Variants in KIRREL3 observed in about 807,000 individuals in gnomAD.
The protein encoded by KIRREL3 is kirre like nephrin family adhesion molecule 3, also known as kin of IRRE-like protein 3.
In KIRREL3, 36 loss-of-function variants were observed where a neutral mutation model predicts 89.7. The ratio of observed to expected loss-of-function variants is 0.40; its 90% CI spans 0.31 to 0.53. KIRREL3 has a LOEUF of 0.53. Ranked by LOEUF, KIRREL3 falls within the 20% of genes least tolerant of loss-of-function variation. The pLI, the probability that KIRREL3 is intolerant of heterozygous loss-of-function variation, is 0.49. For missense variants in KIRREL3, 864 were observed against 1,056.6 expected, an observed-to-expected ratio of 0.82 and a Z score of 2.53; for synonymous variants, 445 against 441.4, an observed-to-expected ratio of 1.01 and a Z score of -0.10.
In KIRREL3 at chr11:126,454,234, C is replaced by G. The variant is rs116569852; in HGVS notation, c.848+2115G>C. ...ACCCTGGGAATCAGGCCCAGCACTTCGTTTCCTGGGTGTTTGCTGTCCGGG... is the reference window on the plus strand; with the variant it reads ...ACCCTGGGAATCAGGCCCAGCACTTGGTTTCCTGGGTGTTTGCTGTCCGGG... On this transcript the variant is annotated intron_variant, in intron 7 of 16. Transcript: ENST00000525144. The surrounding 1 kb of genome is among the most constrained non-coding windows in gnomAD (Gnocchi z 5.8). Among the ~76,000 whole-genome samples, 1,015 of 151,648 alleles carry G rather than the reference C, an allele frequency of 6.7e-3. 16 individuals are homozygous for G. The highest frequency in any genetic ancestry group is 0.023 in the African/African-American group (954 of 41,382).
chr11:126,581,000 C>G (rs537404674), intron 1 of KIRREL3, among the ~76,000 whole-genome samples: 1 of 152,212 alleles, frequency 6.6e-6, no homozygotes, highest in East Asian at 1.9e-4. Context: ...ATGCCAGGTC[C>G]TAGCTCTGGA....
At chr11:126,517,217 A>G (rs1424073119) in intron 4 of KIRREL3, among the ~76,000 whole-genome samples, 1 of 151,442 alleles carries the variant, frequency 6.6e-6, no homozygotes, top group Non-Finnish European at 1.5e-5. Flanking sequence ...TGGTATTTTT[A>G]ACCCTCTATT....
At position 126,796,617 on chromosome 11, in the gene KIRREL3, A is replaced by G. The variant is rs1950820299; in HGVS notation, c.55+203838T>C. ...GAAATGTTGGCACAAGTGCCCTCTT[A>G]TGTTAAGCATTGCCCCCAACCCTGC... On this transcript the variant is annotated intron_variant, in intron 1 of 16. Transcript: ENST00000525144. This position sits in a 1 kb window ranked among gnomAD's most constrained non-coding sequence, Gnocchi z 5.1. Among the ~76,000 whole-genome samples, 1 of 152,142 alleles carries G rather than the reference A, an allele frequency of 6.6e-6. No homozygotes were observed. Among genetic ancestry groups the G allele is most frequent in the African/African-American group, 2.4e-5 (1 of 41,436 alleles).
intron 1 of KIRREL3, among the ~76,000 whole-genome samples, chr11:126,945,451 G>A (rs561782948): frequency 7.2e-5 from 11 of 152,226 alleles, no homozygotes; most frequent in East Asian, 1.9e-4. Context: ...CCGTGTCTCC[G>A]CAGGTCACTG....
rs150968099 is a variant in KIRREL3 at position 126,515,503 on chromosome 11, T to C, written c.433+5812A>G. On this transcript the variant is annotated intron_variant, in intron 4 of 16. Transcript: ENST00000525144. The surrounding 1 kb of genome is among the most constrained non-coding windows in gnomAD (Gnocchi z 4.2). Reference sequence around the variant, plus strand: ...GGACCACAGGGGGACAGTCAGGCCATGTGGGCTCCAGAGAAGGCTTCCTGG... The same window carrying C: ...GGACCACAGGGGGACAGTCAGGCCACGTGGGCTCCAGAGAAGGCTTCCTGG... 6.6e-6 allele frequency among the ~76,000 whole-genome samples: 1 copy of C among 152,250 alleles called. No individual in the cohort carries two copies. The highest frequency in any genetic ancestry group is 6.5e-5 in the Admixed American group (1 of 15,306).
rs185899923 is a variant in KIRREL3 at position 126,899,726 on chromosome 11, G to T, written c.55+100729C>A. On this transcript the variant is annotated intron_variant, in intron 1 of 16. Transcript: ENST00000525144. The stretch of plus-strand genomic sequence containing the variant: ...GAGCAGGAAGGTTGATTAAGTCCAG[G>T]CTGAGTAGGAAGGTTGGTTAGCTAG... Among the ~76,000 whole-genome samples, 5 of 152,350 alleles carry T rather than the reference G, an allele frequency of 3.3e-5. No individual in the cohort carries two copies. In the East Asian group the frequency reaches 9.6e-4, roughly 29 times the overall value.
chr11:126,803,878 T>G (rs1342873326), intron 1 of KIRREL3, among the ~76,000 whole-genome samples: 2 of 152,178 alleles, frequency 1.3e-5, no homozygotes, highest in East Asian at 3.8e-4. Flanking sequence ...AACATCTATA[T>G]CTGTTGCCAA....
chr11:126,914,144 G>A (rs781486165), intron 1 of KIRREL3, among the ~76,000 whole-genome samples: 11 of 152,208 alleles, frequency 7.2e-5, no homozygotes, highest in Non-Finnish European at 1.6e-4. Context: ...CCTGCCCTCT[G>A]TCATGAGGAA....
chr11:126,964,167 C>T (rs778326422), intron 1 of KIRREL3, among the ~76,000 whole-genome samples: 1 of 152,184 alleles, frequency 6.6e-6, no homozygotes, highest in Non-Finnish European at 1.5e-5. Flanking sequence ...ATTCAATGAA[C>T]AGCTATTGAA....
rs1946452158 is a variant in KIRREL3, at chr11:126,903,451, G to T, written c.55+97004C>A. Among the ~76,000 whole-genome samples, 1 of 152,218 alleles carries T rather than the reference G, an allele frequency of 6.6e-6. No individual in the cohort carries two copies. The highest frequency in any genetic ancestry group is 1.9e-4 in the East Asian group (1 of 5,204). ...ATTGAGGAATTGAATAATTGAGGTT[G>T]CTAATGAATTTGAAAACTCAGCAAA... On this transcript the variant is annotated intron_variant, in intron 1 of 16. Coordinates refer to ENST00000525144, the MANE Select transcript of KIRREL3 (RefSeq NM_032531.4). The surrounding 1 kb of genome is among the most constrained non-coding windows in gnomAD (Gnocchi z 4.5).
rs1267768556 is a variant in KIRREL3 at position 126,652,252 on chromosome 11, G to A, written c.56-89340C>T. 4.6e-5 allele frequency among the ~76,000 whole-genome samples: 7 copies of A among 152,070 alleles called. No homozygotes were observed. Among genetic ancestry groups the A allele is most frequent in the Non-Finnish European group, 5.9e-5 (4 of 68,012 alleles). ...TAACCCCCCACCCCTTGTTCTTTGT[G>A]TGAAACCAGCACCCACTGGCCAAAA... On this transcript the variant is annotated intron_variant, in intron 1 of 16. Coordinates refer to ENST00000525144, the MANE Select transcript of KIRREL3 (RefSeq NM_032531.4). The surrounding 1 kb of genome is among the most constrained non-coding windows in gnomAD (Gnocchi z 4.9).
intron 1 of KIRREL3, among the ~76,000 whole-genome samples, chr11:126,984,022 T>C (rs975840352): frequency 1.3e-5 from 2 of 152,150 alleles, no homozygotes; most frequent in Admixed American, 1.3e-4. Context: ...TAGAGGTTAA[T>C]TCTCCCCATG....
At chr11:126,460,137 G>T in intron 6 of KIRREL3, among the ~76,000 whole-genome samples, 1 of 152,224 alleles carries the variant, frequency 6.6e-6, no homozygotes, top group Non-Finnish European at 1.5e-5. Context: ...GGGAGGGAGC[G>T]GGTGGAGAAC....
intron 1 of KIRREL3, among the ~76,000 whole-genome samples, chr11:126,810,009 G>A (rs974458078): frequency 3.3e-5 from 5 of 152,226 alleles, no homozygotes; most frequent in East Asian, 3.9e-4. Flanking sequence ...TTCATGGCTC[G>A]AAATAGATGT....
intron 1 of KIRREL3, among the ~76,000 whole-genome samples, chr11:126,735,284 C>T (rs59101746): frequency 1.3e-5 from 2 of 152,132 alleles, no homozygotes; most frequent in African/African-American, 4.8e-5. Context: ...CGTGAATCCA[C>T]GTTTGACGAG....
chr11:126,692,918 C>T (rs1314045208), intron 1 of KIRREL3, among the ~76,000 whole-genome samples: 3 of 152,208 alleles, frequency 2.0e-5, no homozygotes, highest in African/African-American at 7.2e-5. Flanking sequence ...CTTTCCCATC[C>T]CTTGGATCTG....
At chr11:126,862,248 T>G (rs1944729054) in intron 1 of KIRREL3, among the ~76,000 whole-genome samples, 1 of 152,222 alleles carries the variant, frequency 6.6e-6, no homozygotes, top group Non-Finnish European at 1.5e-5. Context: ...TGTAGTCTCT[T>G]CAGCCCCATT....
At chr11:126,584,931 T>A (rs1254697452) in intron 1 of KIRREL3, among the ~76,000 whole-genome samples, 1 of 151,770 alleles carries the variant, frequency 6.6e-6, no homozygotes. Flanking sequence ...TTTTTTTTTT[T>A]ATTTTGAGAC....
In KIRREL3 at chr11:126,565,641, G is replaced by C. The variant is rs1940462071; in HGVS notation, c.56-2729C>G. On this transcript the variant is annotated intron_variant, in intron 1 of 16. Transcript: ENST00000525144. This position sits in a 1 kb window ranked among gnomAD's most constrained non-coding sequence, Gnocchi z 5.4. ...ACGAGCAGGTTGGAGGATGAGTGAA[G>C]TGAGAATTAGTTAATTGTCCATATA... Among the ~76,000 whole-genome samples, 1 of 152,190 alleles carries C rather than the reference G, an allele frequency of 6.6e-6. No individual in the cohort carries two copies. The highest frequency in any genetic ancestry group is 2.4e-5 in the African/African-American group (1 of 41,438).
Sources: allele counts gnomAD v4.1 joint callset (sites outside exome capture counted in the v4.1 genomes callset), GRCh38; gene constraint gnomAD v4.1.1; non-coding constraint Gnocchi (gnomAD v3.1); transcripts MANE v1.5; gene names NCBI Gene and HGNC (gene_info 2026-07-23, HGNC 2026-07-21).